The following C7orf33 variants were observed in gnomAD, a reference collection of about 807,000 sequenced individuals.
C7orf33 encodes chromosome 7 open reading frame 33.
In C7orf33, 15 loss-of-function variants were observed where a neutral mutation model predicts 13.4. That is an observed-to-expected ratio of 1.12 (90% CI 0.75 to 1.72). The LOEUF (loss-of-function observed/expected upper bound fraction) is 1.72, where lower values mean the gene tolerates loss of function less well. Among genes scored for constraint, C7orf33 ranks in the 40% most tolerant of loss-of-function variants. C7orf33 has a pLI of 0.00. For synonymous variants in C7orf33, 73 were observed against 83.2 expected (o/e 0.88, Z 0.67); for missense variants, 187 against 220.3 (o/e 0.85, Z 0.96).
intron 1 of C7orf33, among the ~76,000 whole-genome samples, chr7:148,600,135 G>T (rs1266434450): frequency 1.3e-5 from 2 of 152,120 alleles, no homozygotes; most frequent in Non-Finnish European, 2.9e-5. Context: ...AGCCATTTGG[G>T]GATGGGAAGA....
At chr7:148,599,792 A>G (rs1585458402) in intron 1 of C7orf33, among the ~76,000 whole-genome samples, 1 of 152,208 alleles carries the variant, frequency 6.6e-6, no homozygotes, top group African/African-American at 2.4e-5. Flanking sequence ...CAGATTTCTT[A>G]AAGTCCACCC....
chr7:148,609,034 T>C (rs755799992), intron 1 of C7orf33, among the ~76,000 whole-genome samples: 1 of 150,910 alleles, frequency 6.6e-6, no homozygotes, highest in Non-Finnish European at 1.5e-5. Context: ...ATTCTTACCT[T>C]GAGGAAGCAA....
chr7:148,600,576 T>C (rs2116893534), intron 1 of C7orf33, among the ~76,000 whole-genome samples: 1 of 152,266 alleles, frequency 6.6e-6, no homozygotes, highest in South Asian at 2.1e-4. Context: ...GTCAATGAGG[T>C]TTTCAAATTT....
intron 1 of C7orf33, among the ~76,000 whole-genome samples, chr7:148,595,137 A>T (rs1300725206): frequency 6.6e-6 from 1 of 151,024 alleles, no homozygotes; most frequent in Non-Finnish European, 1.5e-5. Context: ...TGGCACATTC[A>T]CGGCTCACTG....
intron 1 of C7orf33, among the ~76,000 whole-genome samples, chr7:148,603,711 C>G (rs1796442268): frequency 6.6e-6 from 1 of 152,086 alleles, no homozygotes; most frequent in Non-Finnish European, 1.5e-5. Flanking sequence ...TCCCAGGCAC[C>G]AGAAAATAAG....
At chr7:148,598,823 A>C (rs893928839) in intron 1 of C7orf33, among the ~76,000 whole-genome samples, 3 of 139,932 alleles carry the variant, frequency 2.1e-5, no homozygotes, top group African/African-American at 5.2e-5. Context: ...GAGAATGAGA[A>C]TATATCCAGG....
At chr7:148,607,221 A>G (rs1207784727) in intron 1 of C7orf33, among the ~76,000 whole-genome samples, 1 of 152,166 alleles carries the variant, frequency 6.6e-6, no homozygotes, top group Non-Finnish European at 1.5e-5. Context: ...GAGTTGGTAA[A>G]GCATGTTCAG....
intron 1 of C7orf33, among the ~76,000 whole-genome samples, chr7:148,611,191 A>G (rs1229974213): frequency 6.6e-6 from 1 of 152,168 alleles, no homozygotes; most frequent in Non-Finnish European, 1.5e-5. Context: ...AGTGCTGGGT[A>G]GAGAAGGGCC....
At chr7:148,595,554 CATAT>C in intron 1 of C7orf33, among the ~76,000 whole-genome samples, 1 of 122,584 alleles carries the variant, frequency 8.2e-6, no homozygotes, top group Non-Finnish European at 1.6e-5. Context: ...TTATATATAA[CATAT>C]AGCTATATAA....
At chr7:148,593,215 G>A (rs1295594248) in intron 1 of C7orf33, among the ~76,000 whole-genome samples, 3 of 152,118 alleles carry the variant, frequency 2.0e-5, no homozygotes, top group Non-Finnish European at 2.9e-5. Flanking sequence ...ATGGCACTAT[G>A]AGTTACGTAT....
rs537722713 is a variant in C7orf33, at chr7:148,614,714, C to G, written c.459+418C>G. On this transcript the variant is annotated intron_variant, in intron 2 of 2. Transcript: ENST00000307003. ...TTCGGTCCTACGTGAGCCCGTACAA[C>G]CACTCAGCACATAAAGTTCCATGAA... 5.9e-5 allele frequency among the ~76,000 whole-genome samples: 9 copies of G among 152,310 alleles called. No individual in the cohort carries two copies. The East Asian group carries it at 9.7e-4, about 16-fold the overall frequency.
chr7:148,597,123 C>T (rs1051145396), intron 1 of C7orf33, among the ~76,000 whole-genome samples: 4 of 151,864 alleles, frequency 2.6e-5, no homozygotes, highest in African/African-American at 7.3e-5. Context: ...TGCTTACCAA[C>T]ATCTGTGTGG....
chr7:148,614,339 C>T, intron 2 of C7orf33, 43 bp downstream of exon 2: 1 of 1,577,436 alleles, frequency 6.3e-7, no homozygotes, highest in Admixed American at 1.8e-5. Flanking sequence ...TTAAGGAAAC[C>T]CACGGGATGC....
rs112219553 is a variant in C7orf33, at chr7:148,614,274, C to G, written c.437C>G (p.Thr146Arg). 6.2e-7 allele frequency: 1 copy of G among 1,614,150 alleles called. No homozygotes were observed. ...LLTLSYKPGR[T>R]VTSSYLNVRG... ...ACTCTCTCTTACAAGCCTGGGAGGA[C>G]AGTGACAAGTTCATACCTAAACGTA... The change falls in exon 2 of 3, where the codon ACA (threonine) becomes AGA (arginine). Residue 146 changes from threonine to arginine, a missense_variant. Transcript: ENST00000307003.
intron 1 of C7orf33, among the ~76,000 whole-genome samples, chr7:148,593,429 A>C (rs1796291562): frequency 6.6e-6 from 1 of 151,196 alleles, no homozygotes. Context: ...CTCCCAGCTA[A>C]TTTTTTTGTA....
At chr7:148,600,727 ATT>A (rs1796402175) in intron 1 of C7orf33, among the ~76,000 whole-genome samples, 1 of 150,278 alleles carries the variant, frequency 6.7e-6, no homozygotes, top group Non-Finnish European at 1.5e-5. Context: ...GTTCTGTCTT[ATT>A]AATCTTTCAA....
chr7:148,600,872 G>A (rs1433765370), intron 1 of C7orf33, among the ~76,000 whole-genome samples: 2 of 140,086 alleles, frequency 1.4e-5, no homozygotes, highest in Admixed American at 7.5e-5. Flanking sequence ...GCGTGATCTC[G>A]GCTCACTGCA....
chr7:148,592,518 T>TTC lies in C7orf33; in HGVS notation c.204+1390_204+1391insCT, dbSNP rs199876973. ...GTGGAGCATATAGGGTAGATAGGAT[T>TTC]TTTTTTTTTTTTTTGAGATGGAGTC... On this transcript the variant is annotated intron_variant, in intron 1 of 2. Transcript: ENST00000307003. Among the ~76,000 whole-genome samples, 7 of 127,158 alleles carry TTC rather than the reference T, an allele frequency of 5.5e-5. No individual in the cohort carries two copies. The South Asian group carries it at 1.1e-3, about 20-fold the overall frequency. The allele number at this position is 127,158 out of a possible 152,430, so 83.4% of individuals were successfully genotyped here.
intron 1 of C7orf33, among the ~76,000 whole-genome samples, chr7:148,598,765 G>T (rs4593447): frequency 0.017 from 418 of 24,972 alleles, 1 homozygote; most frequent in Non-Finnish European, 0.02. Context: ...TATATATATA[G>T]AGAGAGAGAG....
Sources: allele counts gnomAD v4.1 joint callset (sites outside exome capture counted in the v4.1 genomes callset), GRCh38; gene constraint gnomAD v4.1.1; transcripts MANE v1.5; gene names NCBI Gene and HGNC (gene_info 2026-07-23, HGNC 2026-07-21).